Variants in HMGCLL1 observed in about 807,000 individuals in gnomAD.
HMGCLL1 encodes the protein 3-hydroxy-3-methylglutaryl-CoA lyase like 1.
HMGCLL1 carries 36 observed loss-of-function variants against 39.1 expected under a neutral mutation model. The observed-to-expected ratio is 0.92, with a 90% CI of 0.71 to 1.22. The LOEUF (loss-of-function observed/expected upper bound fraction) is 1.22, where lower values mean the gene tolerates loss of function less well. Among genes scored for constraint, HMGCLL1 ranks in the 50% most tolerant of loss-of-function variants. The pLI, the probability that HMGCLL1 is intolerant of heterozygous loss-of-function variation, is 0.00. For missense variants in HMGCLL1, 451 were observed against 416.5 expected, an observed-to-expected ratio of 1.08 and a Z score of -0.72; for synonymous variants, 149 against 144.0, an observed-to-expected ratio of 1.03 and a Z score of -0.25.
the HMGCLL1 span, among the ~76,000 whole-genome samples, chr6:55,652,397 G>A: frequency 6.6e-6 from 1 of 151,928 alleles, no homozygotes; most frequent in Non-Finnish European, 1.5e-5. Flanking sequence ...AATGTGTAAT[G>A]TCTAGATACT....
chr6:55,535,737 A>G (rs1054053461), intron 3 of HMGCLL1, among the ~76,000 whole-genome samples: 1 of 152,132 alleles, frequency 6.6e-6, no homozygotes, highest in Non-Finnish European at 1.5e-5. Flanking sequence ...ACAGAGGCCA[A>G]CTCATCTGGA....
chr6:55,646,691 T>C, the HMGCLL1 span, among the ~76,000 whole-genome samples: 1,124 of 152,168 alleles, frequency 7.4e-3, 13 homozygotes, highest in African/African-American at 0.026. Flanking sequence ...TTCCATGTGT[T>C]TGTATAGCTG....
the HMGCLL1 span, among the ~76,000 whole-genome samples, chr6:55,628,293 T>A: frequency 2.2e-5 from 3 of 138,726 alleles, no homozygotes; most frequent in African/African-American, 8.1e-5. Context: ...TCTTATTTTT[T>A]ATTTAATTTA....
chr6:55,532,115 T>C (rs1261960690), intron 3 of HMGCLL1, among the ~76,000 whole-genome samples: 1 of 152,122 alleles, frequency 6.6e-6, no homozygotes, highest in Non-Finnish European at 1.5e-5. Flanking sequence ...TATTTTAATA[T>C]TATGTTTTGG....
In HMGCLL1 at chr6:55,549,373, A is replaced by AGTGTGTGTGTGT. The variant is rs70986732; in HGVS notation, c.109-7245_109-7234dup. On this transcript the variant is annotated intron_variant, in intron 1 of 8. Transcript: ENST00000274901. Reference sequence around the variant, plus strand: ...TGTTTTTGCCCCCTGCAAATACAGAAGTGTGTGTGTGTGTGTGTGTGTGTG... The same window carrying AGTGTGTGTGTGT: ...TGTTTTTGCCCCCTGCAAATACAGAAGTGTGTGTGTGTGTGTGTGTGTGTGTGTGTGTGTGTG... Among the ~76,000 whole-genome samples, 330 of 145,524 alleles carry AGTGTGTGTGTGT rather than the reference A, an allele frequency of 2.3e-3. 2 individuals carry two copies. Among genetic ancestry groups the AGTGTGTGTGTGT allele is most frequent in the East Asian group, 0.013 (65 of 4,960 alleles).
intron 5 of HMGCLL1, among the ~76,000 whole-genome samples, chr6:55,502,871 A>G (rs1766965663): frequency 6.6e-6 from 1 of 151,574 alleles, no homozygotes; most frequent in African/African-American, 2.4e-5. Flanking sequence ...TATCTTTTTT[A>G]TTATTATTAT....
At chr6:55,458,339 C>T (rs1406358114) in intron 7 of HMGCLL1, among the ~76,000 whole-genome samples, 1 of 152,122 alleles carries the variant, frequency 6.6e-6, no homozygotes, top group African/African-American at 2.4e-5. Flanking sequence ...AAGAAAAACA[C>T]TTCTAAAGCC....
the HMGCLL1 span, among the ~76,000 whole-genome samples, chr6:55,636,694 A>G: frequency 6.6e-6 from 1 of 152,166 alleles, no homozygotes; most frequent in African/African-American, 2.4e-5. Flanking sequence ...CAGGTCCCCC[A>G]TGCATTTTTC....
intron 3 of HMGCLL1, among the ~76,000 whole-genome samples, chr6:55,532,410 A>C (rs890630210): frequency 6.6e-6 from 1 of 152,276 alleles, no homozygotes; most frequent in South Asian, 2.1e-4. Flanking sequence ...CAGGTACAGT[A>C]GAAGTTGTTG....
At chr6:55,610,525 C>T in the HMGCLL1 span, among the ~76,000 whole-genome samples, 283 of 151,932 alleles carry the variant, frequency 1.9e-3, no homozygotes, top group Non-Finnish European at 3.5e-3. Flanking sequence ...TTGAGAACTA[C>T]GGGACTATGT....
In HMGCLL1 at chr6:55,439,531, A is replaced by G; in HGVS notation, c.824T>C (p.Val275Ala). 6.2e-7 allele frequency: 1 copy of G among 1,612,968 alleles called. No homozygotes were observed. The highest frequency in any genetic ancestry group is 8.5e-7 in the Non-Finnish European group (1 of 1,179,166). The change falls in exon 8 of 9, where the codon GTA (valine) becomes GCA (alanine). Residue 275 changes from valine (V) to alanine (A), a missense_variant. Coordinates refer to ENST00000274901, the MANE Select transcript of HMGCLL1 (RefSeq NM_001042406.2). ...ATAAGGGCAGCCACCTAATCCGGAT[A>G]CTGCGGAGTCCACCACATTAATTCC... ...QMGINVVDSA[V>A]SGLGGCPYAK... is the part of the protein sequence containing the mutation.
intron 7 of HMGCLL1, among the ~76,000 whole-genome samples, chr6:55,441,147 G>A (rs1763580177): frequency 6.6e-6 from 1 of 152,040 alleles, no homozygotes; most frequent in South Asian, 2.1e-4. Context: ...GCCAAGGAGT[G>A]GGGTGGGGGT....
chr6:55,595,233 C>T, the HMGCLL1 span, among the ~76,000 whole-genome samples: 27 of 152,184 alleles, frequency 1.8e-4, no homozygotes, highest in Admixed American at 1.3e-3. Flanking sequence ...AGACAACATC[C>T]GAACAAATAT....
At chr6:55,445,752 T>A (rs1378137638) in intron 7 of HMGCLL1, among the ~76,000 whole-genome samples, 1 of 152,048 alleles carries the variant, frequency 6.6e-6, no homozygotes, top group Non-Finnish European at 1.5e-5. Context: ...AAACAGTTAT[T>A]CTTTGTTTTG....
At chr6:55,584,136 G>C (rs1230261522), upstream of HMGCLL1, among the ~76,000 whole-genome samples, 1 of 152,054 alleles carries the variant, frequency 6.6e-6, no homozygotes, top group Admixed American at 6.6e-5. Flanking sequence ...TTTAGCTTCT[G>C]AGAATGTTCT....
the HMGCLL1 span, among the ~76,000 whole-genome samples, chr6:55,614,351 A>G: frequency 6.6e-6 from 1 of 152,092 alleles, no homozygotes; most frequent in Admixed American, 6.6e-5. Flanking sequence ...TCTGCCAGTT[A>G]AGGATATAAT....
chr6:55,577,097 G>A (rs761649444), intron 1 of HMGCLL1: 90 of 1,613,360 alleles, frequency 5.6e-5, no homozygotes, highest in East Asian at 2.0e-4. Flanking sequence ...ACAAGCCACC[G>A]TGCCTGCCAA....
At chr6:55,477,196 A>ATTTATATAT (rs1242569528) in intron 7 of HMGCLL1, among the ~76,000 whole-genome samples, 1 of 27,848 alleles carries the variant, frequency 3.6e-5, no homozygotes, top group Non-Finnish European at 5.1e-5. Context: ...TATATTATAT[A>ATTTATATAT]TTATATAATA....
chr6:55,444,009 G>A (rs969115848), intron 7 of HMGCLL1, among the ~76,000 whole-genome samples: 5 of 152,234 alleles, frequency 3.3e-5, no homozygotes, highest in African/African-American at 1.2e-4. Flanking sequence ...GGAGAGCTTC[G>A]AGGGTGCTGG....
Sources: allele counts gnomAD v4.1 joint callset (sites outside exome capture counted in the v4.1 genomes callset), GRCh38; gene constraint gnomAD v4.1.1; transcripts MANE v1.5; gene names NCBI Gene and HGNC (gene_info 2026-07-23, HGNC 2026-07-21).